GPC5: variants seen among roughly 807,000 people sequenced by gnomAD.
GPC5 encodes the protein glypican 5, also known as glypican-5.
GPC5 carries 47 observed loss-of-function variants against 53.9 expected under a neutral mutation model. The ratio of observed to expected loss-of-function variants is 0.87; its 90% confidence interval spans 0.69 to 1.11. The LOEUF is 1.11. Ranked by LOEUF, GPC5 falls within the 50% of genes most tolerant of loss-of-function variation. The probability of loss-of-function intolerance (pLI) is 0.00; values close to 1 mark genes in which losing one functional copy is unlikely to be tolerated. For synonymous variants in GPC5, 286 were observed against 263.3 expected, an observed-to-expected ratio of 1.09 and a Z score of -0.84; for missense variants, 748 against 713.1, an observed-to-expected ratio of 1.05 and a Z score of -0.56.
intron 7 of GPC5, among the ~76,000 whole-genome samples, chr13:92,389,195 T>C (rs1206056612): frequency 6.6e-6 from 1 of 152,146 alleles, no homozygotes; most frequent in East Asian, 1.9e-4. Context: ...CTTAGTTTTA[T>C]TTATAGCGGA....
intron 7 of GPC5, among the ~76,000 whole-genome samples, chr13:92,163,089 T>A (rs1393423997): frequency 6.6e-6 from 1 of 151,702 alleles, no homozygotes; most frequent in African/African-American, 2.4e-5. Flanking sequence ...TATGAATGAG[T>A]GAAGGAAAGT....
intron 6 of GPC5, among the ~76,000 whole-genome samples, chr13:92,107,424 T>C (rs1263082582): frequency 1.3e-5 from 2 of 152,070 alleles, no homozygotes; most frequent in Non-Finnish European, 2.9e-5. Context: ...AACATCGACT[T>C]TTCTCAGTGT....
intron 7 of GPC5, among the ~76,000 whole-genome samples, chr13:92,431,662 C>A (rs139978370): frequency 6.6e-6 from 1 of 151,898 alleles, no homozygotes; most frequent in African/African-American, 2.4e-5. Flanking sequence ...TGTGGGAAAG[C>A]CATCGGAGAG....
At chr13:92,252,544 A>C (rs1202712524) in intron 7 of GPC5, among the ~76,000 whole-genome samples, 1 of 152,036 alleles carries the variant, frequency 6.6e-6, no homozygotes, top group Non-Finnish European at 1.5e-5. Context: ...TTGGGGTAAG[A>C]ATGTTATAGA....
At chr13:92,234,066 C>T (rs896433885) in intron 7 of GPC5, among the ~76,000 whole-genome samples, 3 of 152,198 alleles carry the variant, frequency 2.0e-5, no homozygotes, top group Non-Finnish European at 4.4e-5. Flanking sequence ...CATTGTTGGA[C>T]ATCTGGGTTG....
chr13:91,485,943 T>C (rs1883583561), intron 2 of GPC5: 1 of 152,226 alleles, frequency 6.6e-6, no homozygotes, highest in South Asian at 2.1e-4. Context: ...GGATGGGTAG[T>C]GATCTTAGGG....
At chr13:91,532,583 A>C (rs1454583695) in intron 2 of GPC5, among the ~76,000 whole-genome samples, 2 of 152,140 alleles carry the variant, frequency 1.3e-5, no homozygotes, top group Non-Finnish European at 2.9e-5. Context: ...GATGCAAAGT[A>C]GGCCGGGCAC....
chr13:92,648,199 A>G (rs958788029), intron 7 of GPC5, among the ~76,000 whole-genome samples: 1 of 152,190 alleles, frequency 6.6e-6, no homozygotes, highest in African/African-American at 2.4e-5. Flanking sequence ...TTGCTTTGTG[A>G]TATTTCTGCA....
At chr13:91,775,759 A>T (rs1397412152) in intron 5 of GPC5, among the ~76,000 whole-genome samples, 1 of 152,196 alleles carries the variant, frequency 6.6e-6, no homozygotes. Context: ...GACATACTTT[A>T]ATCAGTTGTT....
At chr13:91,464,265 G>A (rs1472042531) in intron 2 of GPC5, among the ~76,000 whole-genome samples, 3 of 152,128 alleles carry the variant, frequency 2.0e-5, no homozygotes, top group Admixed American at 6.6e-5. Flanking sequence ...CTGGATCACT[G>A]AGGCACTGTT....
At chr13:92,124,034 T>C (rs562046302) in intron 6 of GPC5, among the ~76,000 whole-genome samples, 1 of 151,912 alleles carries the variant, frequency 6.6e-6, no homozygotes, top group Non-Finnish European at 1.5e-5. Context: ...TAGTGAATAA[T>C]GACTTAATAA....
chr13:92,740,452 T>C (rs1889053311), intron 7 of GPC5, among the ~76,000 whole-genome samples: 1 of 152,132 alleles, frequency 6.6e-6, no homozygotes, highest in Non-Finnish European at 1.5e-5. Flanking sequence ...TCTTAGCTAC[T>C]GTCCAATTGT....
intron 4 of GPC5, among the ~76,000 whole-genome samples, chr13:91,740,652 T>C (rs1020969781): frequency 1.1e-4 from 16 of 152,156 alleles, no homozygotes; most frequent in African/African-American, 3.6e-4. Context: ...GTCTCCAAAG[T>C]TGAGCAAAGT....
chr13:91,689,558 T>C (rs1205191188), intron 2 of GPC5, among the ~76,000 whole-genome samples: 2 of 151,382 alleles, frequency 1.3e-5, no homozygotes, highest in African/African-American at 4.8e-5. Flanking sequence ...ACAAACTCAT[T>C]GTACAAAAAT....
At chr13:92,562,396 T>C (rs1438078820) in intron 7 of GPC5, among the ~76,000 whole-genome samples, 2 of 152,038 alleles carry the variant, frequency 1.3e-5, no homozygotes, top group Non-Finnish European at 2.9e-5. Context: ...ACATAGGCCC[T>C]CCCGCTCTAC....
intron 6 of GPC5, among the ~76,000 whole-genome samples, chr13:92,080,468 T>C (rs1341960455): frequency 6.6e-6 from 1 of 152,232 alleles, no homozygotes; most frequent in Non-Finnish European, 1.5e-5. Context: ...ATCTTCTCCC[T>C]TTTTGAATTT....
intron 6 of GPC5, among the ~76,000 whole-genome samples, chr13:92,132,652 A>G (rs2041753815): frequency 6.6e-6 from 1 of 152,032 alleles, no homozygotes; most frequent in Non-Finnish European, 1.5e-5. Context: ...CCCTTTTTAT[A>G]AGAATACTAG....
chr13:92,130,971 A>G (rs753475069), intron 6 of GPC5, among the ~76,000 whole-genome samples: 13 of 151,998 alleles, frequency 8.6e-5, no homozygotes, highest in Non-Finnish European at 1.8e-4. Flanking sequence ...GATTAAATCC[A>G]GAATTAATAA....
At chr13:91,645,534 A>ACTAG (rs2034537858) in intron 2 of GPC5, among the ~76,000 whole-genome samples, 1 of 152,202 alleles carries the variant, frequency 6.6e-6, no homozygotes, top group Non-Finnish European at 1.5e-5. Context: ...TCCCTTTGTT[A>ACTAG]CTAGCTACTT....
Sources: allele counts gnomAD v4.1 joint callset (sites outside exome capture counted in the v4.1 genomes callset), GRCh38; gene constraint gnomAD v4.1.1; transcripts MANE v1.5; gene names NCBI Gene and HGNC (gene_info 2026-07-23, HGNC 2026-07-21).